Variants in SIK3 observed in about 807,000 individuals in gnomAD.
SIK3 encodes serine/threonine-protein kinase SIK3.
SIK3 carries 28 observed loss-of-function variants against 144.2 expected under a neutral mutation model. The ratio of observed to expected loss-of-function variants is 0.19; its 90% CI spans 0.14 to 0.27. The LOEUF is 0.27. Ranked by LOEUF, SIK3 falls within the 10% of genes least tolerant of loss-of-function variation. The pLI, the probability that SIK3 is intolerant of heterozygous loss-of-function variation, is 1.00. For synonymous variants in SIK3, 686 were observed against 676.3 expected, an observed-to-expected ratio of 1.01 and a Z score of -0.22; for missense variants, 1,319 against 1,776.0, an observed-to-expected ratio of 0.74 and a Z score of 4.62.
At chr11:117,039,663 A>C (rs559594418) in intron 1 of SIK3, among the ~76,000 whole-genome samples, 1 of 152,344 alleles carries the variant, frequency 6.6e-6, no homozygotes, top group South Asian at 2.1e-4. Flanking sequence ...TTTTATGTTA[A>C]GTAAAACCTA....
intron 4 of SIK3, among the ~76,000 whole-genome samples, chr11:116,926,620 C>T (rs1165429181): frequency 1.3e-5 from 2 of 152,154 alleles, no homozygotes; most frequent in Admixed American, 6.5e-5. Context: ...CACTTTATTA[C>T]ATATTTTATT....
At position 117,011,220 on chromosome 11, in the gene SIK3, T is replaced by C. The variant is rs138593013; in HGVS notation, c.274-54156A>G. Among the ~76,000 whole-genome samples the C allele has an allele frequency of 5.1e-4, 78 of 152,314 alleles. 1 individual carries two copies. The highest frequency in any genetic ancestry group is 3.4e-3 in the Middle Eastern group (1 of 294). On this transcript the variant is annotated intron_variant, in intron 1 of 24. Transcript: ENST00000445177. ...AATCTGCAATCTCCACACTCCTTTTTTTTTCCCCCTGTAAACAGAAGCTGC... is the reference window on the plus strand; with the variant it reads ...AATCTGCAATCTCCACACTCCTTTTCTTTTCCCCCTGTAAACAGAAGCTGC...
At chr11:116,938,599 A>ACG (rs1948102229) in intron 3 of SIK3, among the ~76,000 whole-genome samples, 2 of 31,968 alleles carry the variant, frequency 6.3e-5, no homozygotes, top group African/African-American at 4.4e-4. Context: ...AGGAGAGGGG[A>ACG]GGAGAGGAGA....
At chr11:116,895,234 G>A (rs924913174) in intron 6 of SIK3, among the ~76,000 whole-genome samples, 8 of 151,994 alleles carry the variant, frequency 5.3e-5, no homozygotes, top group Admixed American at 3.9e-4. Context: ...CCATCCCCGC[G>A]GCCTCTGCGC....
At chr11:117,086,535 A>C (rs1955014189) in intron 1 of SIK3, among the ~76,000 whole-genome samples, 1 of 151,590 alleles carries the variant, frequency 6.6e-6, no homozygotes, top group African/African-American at 2.4e-5. Context: ...CTAAAAATAC[A>C]AAAAAATTAG....
chr11:116,934,100 G>A (rs920009989), intron 3 of SIK3, among the ~76,000 whole-genome samples: 16 of 151,918 alleles, frequency 1.1e-4, no homozygotes, highest in African/African-American at 3.6e-4. Context: ...CTTCCCCTAC[G>A]CACTTTATCA....
At chr11:117,058,103 T>C (rs1332229308) in intron 1 of SIK3, among the ~76,000 whole-genome samples, 2 of 152,100 alleles carry the variant, frequency 1.3e-5, no homozygotes, top group Non-Finnish European at 2.9e-5. Context: ...GAAAAGAGCA[T>C]ATACAAAGCC....
intron 1 of SIK3, among the ~76,000 whole-genome samples, chr11:116,972,690 T>C (rs1241551597): frequency 1.3e-5 from 2 of 152,108 alleles, no homozygotes; most frequent in African/African-American, 4.8e-5. Context: ...TTATGAAATA[T>C]ATACACCTAC....
chr11:116,954,389 C>G, intron 2 of SIK3, among the ~76,000 whole-genome samples: 1 of 151,634 alleles, frequency 6.6e-6, no homozygotes, highest in South Asian at 2.1e-4. Flanking sequence ...CTCCATAAAA[C>G]TGAGAGGCAA....
At chr11:116,977,562 T>C (rs983210144) in intron 1 of SIK3, among the ~76,000 whole-genome samples, 1 of 152,148 alleles carries the variant, frequency 6.6e-6, no homozygotes, top group African/African-American at 2.4e-5. Context: ...TCACATTCCT[T>C]CGGAAAAGGA....
At chr11:117,016,376 G>A (rs1291096106) in intron 1 of SIK3, among the ~76,000 whole-genome samples, 1 of 95,832 alleles carries the variant, frequency 1.0e-5, no homozygotes, top group African/African-American at 5.2e-5. Context: ...GAAGGAGAGG[G>A]AGGGAGAGAG....
chr11:117,054,966 T>C (rs1221012986), intron 1 of SIK3, among the ~76,000 whole-genome samples: 1 of 152,232 alleles, frequency 6.6e-6, no homozygotes, highest in African/African-American at 2.4e-5. Flanking sequence ...TAATATTTAT[T>C]AAGATATTAG....
chr11:117,012,033 C>T (rs1951283595), intron 1 of SIK3, among the ~76,000 whole-genome samples: 2 of 152,112 alleles, frequency 1.3e-5, no homozygotes, highest in South Asian at 4.1e-4. Context: ...GACTGGAGTG[C>T]AATGACATGA....
chr11:117,074,648 C>A (rs924502847), intron 1 of SIK3, among the ~76,000 whole-genome samples: 1 of 151,984 alleles, frequency 6.6e-6, no homozygotes, highest in African/African-American at 2.4e-5. Context: ...CAAGGCCAGG[C>A]GTGGTGGCTC....
intron 21 of SIK3, chr11:116,855,753 T>C (rs557925247): frequency 1.7e-4 from 26 of 152,400 alleles, no homozygotes; most frequent in African/African-American, 6.3e-4. Flanking sequence ...CAGCTGCCCC[T>C]GACTACCTCT....
intron 1 of SIK3, among the ~76,000 whole-genome samples, chr11:117,095,428 A>T (rs950106557): frequency 1.3e-5 from 2 of 152,142 alleles, no homozygotes; most frequent in Non-Finnish European, 2.9e-5. Flanking sequence ...GGGGGAAAAA[A>T]ATAACTCTCT....
chr11:117,011,077 G>A (rs761337063), intron 1 of SIK3, among the ~76,000 whole-genome samples: 7 of 152,118 alleles, frequency 4.6e-5, no homozygotes, highest in East Asian at 1.9e-4. Flanking sequence ...CCAAGATTGC[G>A]CCACTGCACT....
chr11:117,038,708 T>A, intron 1 of SIK3, among the ~76,000 whole-genome samples: 1 of 151,912 alleles, frequency 6.6e-6, no homozygotes, highest in Non-Finnish European at 1.5e-5. Flanking sequence ...TTGTTAATAA[T>A]CACTCATTTC....
intron 1 of SIK3, among the ~76,000 whole-genome samples, chr11:117,097,608 T>C (rs2134117547): frequency 6.6e-6 from 1 of 152,254 alleles, no homozygotes; most frequent in East Asian, 1.9e-4. Context: ...TGTCTCTGTC[T>C]TAAGGCACCA....
Sources: allele counts gnomAD v4.1 joint callset (sites outside exome capture counted in the v4.1 genomes callset), GRCh38; gene constraint gnomAD v4.1.1; transcripts MANE v1.5; gene names NCBI Gene and HGNC (gene_info 2026-07-23, HGNC 2026-07-21).